WDR1: variants seen among roughly 807,000 people sequenced by gnomAD.
WDR1 encodes the protein WD repeat-containing protein 1.
In WDR1, 21 loss-of-function variants were observed where a neutral mutation model predicts 71.9. The ratio of observed to expected loss-of-function variants is 0.29; its 90% CI spans 0.21 to 0.42. The LOEUF is 0.42. WDR1 is among the 10% of genes least tolerant of loss of function. The pLI, the probability that WDR1 is intolerant of heterozygous loss-of-function variation, is 1.00. For missense variants in WDR1, 696 were observed against 824.5 expected, an observed-to-expected ratio of 0.84 and a Z score of 1.91; for synonymous variants, 424 against 347.4, an observed-to-expected ratio of 1.22 and a Z score of -2.45.
In WDR1 at chr4:10,074,673, G is replaced by A. The variant is rs1379189128; in HGVS notation, c.*705C>T. The A allele has an allele frequency of 6.6e-6, 1 of 152,490 alleles. No homozygotes were observed. The highest frequency in any genetic ancestry group is 1.5e-5 in the Non-Finnish European group (1 of 68,012). The allele number at this position is 152,490 out of a possible 1,614,324, so 9.4% of individuals were successfully genotyped here. A position where few individuals can be genotyped will look rare whatever the true frequency, so the allele number is the denominator to read the frequency against. On this transcript the variant is annotated 3_prime_UTR_variant, in exon 15 of 15. Transcript: ENST00000499869. ...AGGACACCTCGGTCTGGCTAACAAG[G>A]GTTCTAAAAACTTGGACACGGTGCC...
Position 10,087,866 on chromosome 4 carries a change from G to A in WDR1, c.792C>T (p.Ser264=), listed in dbSNP as rs1209526037. ...GAAATGTGCTGACCACGGAGTTCAC[G>A]CTGACGTCCCAAATCTTGGAAGTTT... ...GDKTSKIWDV[S]VNSVVSTFPM... The change falls in exon 8 of 15, where the codon AGC becomes AGT. Residue 264 remains serine, a synonymous_variant. Transcript: ENST00000499869. 5.1e-6 allele frequency: 8 copies of A among 1,569,484 alleles called. No individual in the cohort carries two copies. The highest frequency in any genetic ancestry group is 2.3e-5 in the East Asian group (1 of 42,646).
intron 13 of WDR1, 77 bp from the exon 14 acceptor site, chr4:10,077,525 T>G: frequency 6.3e-7 from 1 of 1,595,756 alleles, no homozygotes; most frequent in African/African-American, 1.3e-5. Context: ...CGCTTATCCC[T>G]CATGGCGACA....
chr4:10,112,756 G>A (rs150870017), intron 2 of WDR1, among the ~76,000 whole-genome samples: 9 of 152,306 alleles, frequency 5.9e-5, no homozygotes, highest in African/African-American at 1.9e-4. Flanking sequence ...TTATCTTCAC[G>A]ACACAGCCTG....
chr4:10,116,505 G>C, intron 1 of WDR1, 146 bp downstream of exon 1: 1 of 660,652 alleles, frequency 1.5e-6, no homozygotes, highest in Non-Finnish European at 1.9e-6. Flanking sequence ...GCACCACCGA[G>C]GGCGGCCCCG....
At chr4:10,076,954 C>T (rs1344672298) in intron 14 of WDR1, 1 of 225,898 alleles carries the variant, frequency 4.4e-6, no homozygotes, top group Non-Finnish European at 8.6e-6. Context: ...AATTTCAACG[C>T]CACATGAGGC....
intron 7 of WDR1, 67 bp downstream of exon 7, chr4:10,088,226 T>C (rs887486986): frequency 7.0e-7 from 1 of 1,434,604 alleles, no homozygotes; most frequent in Middle Eastern, 2.3e-4. Context: ...GGAGTGAGTG[T>C]GGATGGACTG....
At chr4:10,096,905 G>GCAAGCA (rs2109674711) in intron 5 of WDR1, among the ~76,000 whole-genome samples, 1 of 152,310 alleles carries the variant, frequency 6.6e-6, no homozygotes, top group East Asian at 1.9e-4. Flanking sequence ...CATCCTCAGC[G>GCAAGCA]CAAGCACAAG....
At chr4:10,110,209 C>A (rs944931238) in intron 2 of WDR1, among the ~76,000 whole-genome samples, 1 of 152,182 alleles carries the variant, frequency 6.6e-6, no homozygotes, top group Non-Finnish European at 1.5e-5. Flanking sequence ...GGAGCAGGCA[C>A]ATCGCCAGGG....
At chr4:10,110,068 A>C (rs1249263170) in intron 2 of WDR1, among the ~76,000 whole-genome samples, 1 of 143,628 alleles carries the variant, frequency 7.0e-6, no homozygotes, top group Non-Finnish European at 1.5e-5. Context: ...AGAGGTGCTC[A>C]GGGGTATACA....
chr4:10,075,504 T>C lies in WDR1; in HGVS notation c.1715-20A>G, dbSNP rs775089632. On this transcript the variant is annotated intron_variant, in intron 14 of 14. Coordinates refer to ENST00000499869, the MANE Select transcript of WDR1 (RefSeq NM_017491.5). ...GTGCATCTGGGAAGAAAGGGTGCAA[T>C]TTAACGAAAAGCCAAACTTCTCTGC... is the stretch of plus-strand genomic sequence containing the variant. 1.2e-6 allele frequency: 2 copies of C among 1,612,170 alleles called. No individual in the cohort carries two copies. Among genetic ancestry groups the C allele is most frequent in the East Asian group, 4.5e-5 (2 of 44,842 alleles).
chr4:10,110,003 A>T (rs1050634443), intron 2 of WDR1, among the ~76,000 whole-genome samples: 1 of 152,228 alleles, frequency 6.6e-6, no homozygotes, highest in African/African-American at 2.4e-5. Flanking sequence ...CAGAAGAGGC[A>T]AGCACACCAA....
intron 3 of WDR1, among the ~76,000 whole-genome samples, chr4:10,103,339 C>T (rs1712821790): frequency 6.6e-6 from 1 of 151,252 alleles, no homozygotes; most frequent in South Asian, 2.1e-4. Flanking sequence ...ACAAGGGCTC[C>T]AACATACCAT....
chr4:10,075,186 G>C lies in WDR1; in HGVS notation c.*192C>G. ...TCGCTTTATTTTTCATGTGCAAACT[G>C]TTACTGTCTAAAGCTTTCAGAAGAA... On this transcript the variant is annotated 3_prime_UTR_variant, in exon 15 of 15. Transcript: ENST00000499869. 2 of 568,786 alleles carry C rather than the reference G, an allele frequency of 3.5e-6. No homozygotes were observed. Among genetic ancestry groups the C allele is most frequent in the South Asian group, 4.6e-5 (2 of 43,150 alleles). 35.2% of individuals were successfully genotyped at this position (568,786 alleles called of 1,614,324 possible).
At chr4:10,115,987 A>C in intron 2 of WDR1, 126 bp downstream of exon 2, 4 of 1,323,942 alleles carry the variant, frequency 3.0e-6, no homozygotes, top group Non-Finnish European at 3.1e-6. Context: ...CTCCCGGTAG[A>C]GGGGGCGTGG....
chr4:10,081,982 C>T (rs749451623), intron 10 of WDR1, among the ~76,000 whole-genome samples: 4 of 152,216 alleles, frequency 2.6e-5, no homozygotes, highest in African/African-American at 4.8e-5. Context: ...CTGTGTCACT[C>T]GGCCAAGTGT....
At chr4:10,084,308 A>G (rs2109648254) in intron 9 of WDR1, 135 bp downstream of exon 9, 1 of 756,008 alleles carries the variant, frequency 1.3e-6, no homozygotes, top group South Asian at 1.6e-5. Flanking sequence ...CCTAGAAGCC[A>G]CACGGGTCAG....
chr4:10,077,672 G>A lies in WDR1; in HGVS notation c.1569+81C>T, dbSNP rs541952858. The A allele has an allele frequency of 1.1e-5, 16 of 1,476,330 alleles. No individual in the cohort carries two copies. The South Asian group carries it at 2.1e-4, about 19-fold the overall frequency. The allele number at this position is 1,476,330 out of a possible 1,614,324, so 91.5% of individuals were successfully genotyped here. ...TACAGCTCAGACAGGCTCAGCTCAA[G>A]GTCACCAAGTCACAGATAACCTCCC... On this transcript the variant is annotated intron_variant, in intron 13 of 14. Coordinates refer to ENST00000499869, the MANE Select transcript of WDR1 (RefSeq NM_017491.5).
chr4:10,084,250 GA>G (rs1187648497), intron 9 of WDR1, among the ~76,000 whole-genome samples, 192 bp downstream of exon 9: 1 of 152,134 alleles, frequency 6.6e-6, no homozygotes, highest in African/African-American at 2.4e-5. Context: ...AGTTGCCAAG[GA>G]CAACTCCAGG....
At chr4:10,086,363 C>T (rs533089424) in intron 8 of WDR1, among the ~76,000 whole-genome samples, 8 of 152,214 alleles carry the variant, frequency 5.3e-5, no homozygotes, top group Admixed American at 1.3e-4. Flanking sequence ...TATGGTTCAG[C>T]CTTCCCCCTC....
Sources: gnomAD v4.1 joint callset for allele counts (sites outside exome capture counted in the v4.1 genomes callset) on GRCh38, gnomAD v4.1.1 for gene constraint, MANE v1.5 for transcripts, NCBI Gene and HGNC (gene_info 2026-07-23, HGNC 2026-07-21) for gene names.